NDC80: variants seen among roughly 807,000 people sequenced by gnomAD.
NDC80 encodes the protein kinetochore protein NDC80 homolog.
Under a neutral mutation model 89.3 loss-of-function variants are expected in NDC80, and 69 were observed. The observed-to-expected ratio is 0.77, with a 90% CI of 0.64 to 0.94. The LOEUF is 0.94. NDC80 is among the 40% of genes least tolerant of loss of function. NDC80 has a pLI of 0.00. For synonymous variants in NDC80, 243 were observed against 255.6 expected (o/e 0.95, Z 0.47); for missense variants, 593 against 739.6 (o/e 0.80, Z 2.30).
At position 2,578,141 on chromosome 18, in the gene NDC80, G is replaced by T; in HGVS notation, c.476G>T (p.Gly159Val). ...GTTCCAAGAATCTTTAAAGACCTTG[G>T]GTATGTATATTTCTTATTAGTTTAG... is the stretch of plus-strand genomic sequence containing the variant. ...EEVPRIFKDL[G>V]YPFALSKSSM... Residue 159 changes from glycine (G) to valine (V), a missense_variant and splice_region_variant, in exon 5 of 17, where the codon GGG (glycine) becomes GTG (valine). Physicochemically the swap from Gly to Val is moderately radical, Grantham distance 109 (BLOSUM62 -3). Transcript: ENST00000261597. 1 of 1,612,432 alleles carries T rather than the reference G, an allele frequency of 6.2e-7. No homozygotes were observed. The highest frequency in any genetic ancestry group is 1.3e-5 in the African/African-American group (1 of 74,772).
At chr18:2,610,724 C>A in intron 15 of NDC80, 35 bp from the exon 16 acceptor site, 2 of 1,444,592 alleles carry the variant, frequency 1.4e-6, no homozygotes, top group Non-Finnish European at 1.9e-6. Flanking sequence ...TAATTTTTTT[C>A]CTGGACAACT....
chr18:2,615,671 TG>T (rs2072780651), intron 16 of NDC80, among the ~76,000 whole-genome samples: 1 of 152,210 alleles, frequency 6.6e-6, no homozygotes, highest in Non-Finnish European at 1.5e-5. Context: ...CTACTATACC[TG>T]GGAACAAACA....
chr18:2,582,205 T>C (rs1174975782), intron 6 of NDC80: 1 of 152,266 alleles, frequency 6.6e-6, no homozygotes, highest in Non-Finnish European at 1.5e-5. Flanking sequence ...GCCTCCCAAG[T>C]AGCTAGGATT....
intron 8 of NDC80, among the ~76,000 whole-genome samples, chr18:2,588,968 A>T (rs1015984265): frequency 2.6e-5 from 4 of 152,100 alleles, no homozygotes; most frequent in African/African-American, 9.7e-5. Flanking sequence ...GAAATGAGCA[A>T]CTTTAAGTCA....
At chr18:2,615,728 TAGA>T (rs1223261360) in intron 16 of NDC80, among the ~76,000 whole-genome samples, 14 of 152,236 alleles carry the variant, frequency 9.2e-5, no homozygotes, top group African/African-American at 3.4e-4. Flanking sequence ...ATATTCATTC[TAGA>T]ATACTATGCA....
chr18:2,590,768 T>C (rs2072623719), intron 10 of NDC80, among the ~76,000 whole-genome samples: 3 of 152,208 alleles, frequency 2.0e-5, no homozygotes, highest in African/African-American at 7.2e-5. Context: ...TCCTTACATG[T>C]TTTCAAGCAT....
chr18:2,589,705 A>G lies in NDC80; in HGVS notation c.871-313A>G. On this transcript the variant is annotated intron_variant, in intron 9 of 16. Transcript: ENST00000261597. The stretch of plus-strand genomic sequence containing the variant: ...TAGTATATTGTATCCTGAGTTTTCT[A>G]AAAGCTAAATATTAATATCCAGTTA... Among the ~76,000 whole-genome samples, 2 of 136,392 alleles carry G rather than the reference A, an allele frequency of 1.5e-5. 1 individual carries two copies. The highest frequency in any genetic ancestry group is 7.5e-5 in the African/African-American group (2 of 26,570). 89.5% of individuals were successfully genotyped at this position (136,392 alleles called of 152,430 possible).
intron 16 of NDC80, 55 bp downstream of exon 16, chr18:2,610,916 A>G: frequency 9.2e-7 from 1 of 1,092,084 alleles, no homozygotes; most frequent in Non-Finnish European, 1.3e-6. Flanking sequence ...AAACTTTGAT[A>G]CATTTCTGCT....
At chr18:2,573,299 A>G (rs116453724) in intron 2 of NDC80, among the ~76,000 whole-genome samples, 247 of 152,324 alleles carry the variant, frequency 1.6e-3, no homozygotes, top group African/African-American at 5.4e-3. Context: ...AAATTTCCAA[A>G]GCCAAATGCT....
intron 13 of NDC80, among the ~76,000 whole-genome samples, chr18:2,604,457 T>TG (rs111989371): frequency 9.9e-5 from 15 of 152,098 alleles, no homozygotes; most frequent in African/African-American, 3.6e-4. Flanking sequence ...CCAAGGCGGG[T>TG]GGATGGCTTG....
At position 2,581,607 on chromosome 18, in the gene NDC80, C is replaced by T. The variant is rs75850306; in HGVS notation, c.579+2578C>T. ...CCAGGAGGTGGAGGTTGCAGTGAGC[C>T]GATATCACACCACTGCACTGCAGCC... On this transcript the variant is annotated intron_variant, in intron 6 of 16. Coordinates refer to ENST00000261597, the MANE Select transcript of NDC80 (RefSeq NM_006101.3). Among the ~76,000 whole-genome samples, 206 of 152,284 alleles carry T rather than the reference C, an allele frequency of 1.4e-3. 2 individuals carry two copies. The East Asian group carries it at 0.038, about 28-fold the overall frequency.
intron 13 of NDC80, among the ~76,000 whole-genome samples, chr18:2,605,881 T>C (rs2072708855): frequency 6.6e-6 from 1 of 152,172 alleles, no homozygotes; most frequent in Non-Finnish European, 1.5e-5. Flanking sequence ...CTTTTTTCTT[T>C]CAGTTTTGGT....
intron 15 of NDC80, among the ~76,000 whole-genome samples, chr18:2,609,126 A>G (rs1424766531): frequency 6.6e-6 from 1 of 152,180 alleles, no homozygotes; most frequent in Non-Finnish European, 1.5e-5. Flanking sequence ...AATCAATTCA[A>G]ATAAATTTGG....
intron 14 of NDC80, among the ~76,000 whole-genome samples, chr18:2,607,706 C>T (rs1271493112): frequency 6.6e-6 from 1 of 151,390 alleles, no homozygotes; most frequent in Non-Finnish European, 1.5e-5. Context: ...TCATTAGAAA[C>T]AATAGAGACT....
chr18:2,586,067 T>TA (rs1286895169), intron 7 of NDC80, among the ~76,000 whole-genome samples: 2 of 152,294 alleles, frequency 1.3e-5, no homozygotes, highest in East Asian at 3.9e-4. Context: ...CTAGCATACA[T>TA]AAAAAACTAG....
rs542177123 is a variant in NDC80, at chr18:2,608,410, T to C, written c.1558-290T>C. On this transcript the variant is annotated intron_variant, in intron 14 of 16. Transcript: ENST00000261597. ...TAGTAGAGATGGGGTTTCACCTCGC[T>C]GGCCAGGCTGGTCTCAAACCCTTGA... Among the ~76,000 whole-genome samples, 3 of 152,110 alleles carry C rather than the reference T, an allele frequency of 2.0e-5. No homozygotes were observed. The East Asian group carries it at 5.8e-4, about 29-fold the overall frequency.
At chr18:2,603,351 TTATACATATATA>T (rs959921800) in intron 13 of NDC80, among the ~76,000 whole-genome samples, 2 of 80,916 alleles carry the variant, frequency 2.5e-5, no homozygotes, top group African/African-American at 1.0e-4. Context: ...GAGAATATGT[TTATACATATATA>T]TATATATATA....
chr18:2,597,114 A>G (rs2072660907), intron 11 of NDC80, among the ~76,000 whole-genome samples: 1 of 152,154 alleles, frequency 6.6e-6, no homozygotes, highest in African/African-American at 2.4e-5. Flanking sequence ...AGCATGGCAC[A>G]TGTATACATA....
At chr18:2,591,262 T>A (rs2072626245) in intron 10 of NDC80, among the ~76,000 whole-genome samples, 1 of 152,212 alleles carries the variant, frequency 6.6e-6, no homozygotes, top group Non-Finnish European at 1.5e-5. Flanking sequence ...AATCATAAAA[T>A]TCTGTAAAAC....
Sources: gnomAD v4.1 joint callset for allele counts (sites outside exome capture counted in the v4.1 genomes callset) on GRCh38, gnomAD v4.1.1 for gene constraint, MANE v1.5 for transcripts, NCBI Gene and HGNC (gene_info 2026-07-23, HGNC 2026-07-21) for gene names.